The following INSRR variants were observed in gnomAD, a reference collection of about 807,000 sequenced individuals.
The protein encoded by INSRR is insulin receptor related receptor, also known as insulin receptor-related protein.
A neutral mutation model predicts 130.0 loss-of-function variants in INSRR; 114 were observed. The ratio of observed to expected loss-of-function variants is 0.88; its 90% confidence interval spans 0.75 to 1.02. The LOEUF (loss-of-function observed/expected upper bound fraction) is 1.02, where lower values mean the gene tolerates loss of function less well. INSRR is among the 50% of genes least tolerant of loss of function. The probability of loss-of-function intolerance (pLI) is 0.00; values close to 1 mark genes in which losing one functional copy is unlikely to be tolerated. For missense variants in INSRR, 1,657 were observed against 1,735.2 expected (o/e 0.95, Z 0.80); for synonymous variants, 674 against 705.2 (o/e 0.96, Z 0.70).
At chr1:156,843,289 C>T (rs1055833327) in intron 16 of INSRR, 56 bp from the exon 17 acceptor site, 6 of 1,572,510 alleles carry the variant, frequency 3.8e-6, no homozygotes, top group Non-Finnish European at 5.3e-6. Context: ...CACACCTCAC[C>T]CCCCAACTTC....
chr1:156,849,206 T>TGTGG (rs1655117633), intron 6 of INSRR, 40 bp downstream of exon 6: 1 of 1,608,212 alleles, frequency 6.2e-7, no homozygotes. Flanking sequence ...GTGTCTAGTG[T>TGTGG]GTGGCCGCGT....
Position 156,843,421 on chromosome 1 carries a change from A to G in INSRR, c.2896+6T>C. The G allele has an allele frequency of 6.2e-7, 1 of 1,614,026 alleles. No homozygotes were observed. The highest frequency in any genetic ancestry group is 8.5e-7 in the Non-Finnish European group (1 of 1,179,900). ...ACACCACCTGTCCACCCACTCCCAG[A>G]CCTACTATCAGAGGCGCTGAAGTAC... is the stretch of plus-strand genomic sequence containing the variant. On this transcript the variant is annotated splice_donor_region_variant and intron_variant, in intron 16 of 21. Transcript: ENST00000368195.
rs1558085950 is a variant in INSRR at position 156,845,281 on chromosome 1, GTGCCGCCCTGAGTCCC to G, written c.2217-1_2231del. ...GCCGGAGGGGCCCAGCTGCCCGGCG[GTGCCGCCCTGAGTCCC>G]TGGGGAGAGCGAGTCAGAGCCAAGG... On this transcript the variant is annotated splice_acceptor_variant and coding_sequence_variant, in exon 12 of 22. Coordinates refer to ENST00000368195, the MANE Select transcript of INSRR (RefSeq NM_014215.3). LOFTEE classifies it high-confidence loss of function. The G allele has an allele frequency of 6.2e-7, 1 of 1,612,530 alleles. No homozygotes were observed. Among genetic ancestry groups the G allele is most frequent in the Non-Finnish European group, 8.5e-7 (1 of 1,179,364 alleles).
At chr1:156,846,255 G>C (rs889729897) in intron 8 of INSRR, 136 bp from the exon 9 acceptor site, 7 of 971,740 alleles carry the variant, frequency 7.2e-6, no homozygotes, top group Non-Finnish European at 8.9e-6. Context: ...TGGCTTCCTA[G>C]AACTCAGTGT....
intron 4 of INSRR, 96 bp from the exon 5 acceptor site, chr1:156,851,530 C>T: frequency 1.9e-6 from 3 of 1,601,934 alleles, no homozygotes; most frequent in Non-Finnish European, 2.6e-6. Context: ...GGTGGGCCCT[C>T]AGGACTGGGA....
intron 7 of INSRR, 57 bp from the exon 8 acceptor site, chr1:156,846,814 A>T (rs1655031812): frequency 7.1e-7 from 1 of 1,398,826 alleles, no homozygotes; most frequent in Admixed American, 1.7e-5. Context: ...AAGTTCTGGC[A>T]CCCCCGCTCT....
chr1:156,845,893 G>A lies in INSRR; in HGVS notation c.1978+59C>T, dbSNP rs545172534. ...TCCCCCCCACCTGCCGGGGCCCTGC[G>A]CCTCCATCTCCCCTTCCCCACCCGC... On this transcript the variant is annotated intron_variant, in intron 9 of 21. Transcript: ENST00000368195. 2.0e-3 allele frequency: 3,238 copies of A among 1,597,738 alleles called. 5 individuals carry two copies. Among genetic ancestry groups the A allele is most frequent in the Non-Finnish European group, 2.2e-3 (2,624 of 1,171,690 alleles).
chr1:156,855,052 C>A (rs1429214781), intron 1 of INSRR, among the ~76,000 whole-genome samples: 1 of 152,136 alleles, frequency 6.6e-6, no homozygotes, highest in Non-Finnish European at 1.5e-5. Flanking sequence ...AAAGCTTCTG[C>A]CTTGGGGTCT....
chr1:156,847,069 C>CCT (rs1168294000), intron 7 of INSRR, among the ~76,000 whole-genome samples: 2 of 152,116 alleles, frequency 1.3e-5, no homozygotes, highest in Non-Finnish European at 2.9e-5. Context: ...GAAAGAGTCC[C>CCT]CTCTCCTAGA....
chr1:156,858,554 C>T lies in INSRR; in HGVS notation c.68G>A (p.Gly23Asp), dbSNP rs1655493259. 1.9e-6 allele frequency: 3 copies of T among 1,613,860 alleles called. No homozygotes were observed. The highest frequency in any genetic ancestry group is 2.5e-6 in the Non-Finnish European group (3 of 1,179,910). Reference protein sequence around the residue: ...LPVIFLSLGFGLDTVEVCPSL... With the variant: ...LPVIFLSLGFDLDTVEVCPSL... The stretch of plus-strand genomic sequence containing the variant: ...GGACTCACCCTCTACTGTATCCAGG[C>T]CAAATCCCAAGGAGAGGAAGATCAC... Residue 23 changes from glycine (G) to aspartate (D), a missense_variant, in exon 1 of 22, where the codon GGC becomes GAC. Transcript: ENST00000368195.
In INSRR at chr1:156,851,430, G is replaced by A. The variant is rs1655201388; in HGVS notation, c.1089C>T (p.Asn363=). 6 of 1,614,068 alleles carry A rather than the reference G, an allele frequency of 3.7e-6. No homozygotes were observed. Among genetic ancestry groups the A allele is most frequent in the African/African-American group, 1.3e-5 (1 of 74,914 alleles). ...GGCTGTGCTGCAGCTGTGGCTCCAG[G>A]TTGTCTAGGGATGGGAAGACAGGGC... ...SLILNLRQGY[N]LEPQLQHSLG... Residue 363 remains asparagine (N), a synonymous_variant, in exon 5 of 22, where the codon AAC becomes AAT. Transcript: ENST00000368195.
Position 156,849,056 on chromosome 1 carries a change from G to A in INSRR, c.1445-9C>T. The A allele has an allele frequency of 6.2e-7, 1 of 1,611,584 alleles. No homozygotes were observed. The highest frequency in any genetic ancestry group is 1.1e-5 in the South Asian group (1 of 90,858). On this transcript the variant is annotated splice_polypyrimidine_tract_variant and intron_variant, in intron 6 of 21. Coordinates refer to ENST00000368195, the MANE Select transcript of INSRR (RefSeq NM_014215.3). ...CAGGGTGCGAGTCTGGCCTGGGTGG[G>A]GCGAGGGGCCTGCTCGCAACCGCGC... is the stretch of plus-strand genomic sequence containing the variant.
At chr1:156,841,560 AC>A (rs1381859195) in intron 20 of INSRR, 32 bp from the exon 21 acceptor site, 2 of 1,613,590 alleles carry the variant, frequency 1.2e-6, no homozygotes, top group Non-Finnish European at 1.7e-6. Flanking sequence ...TGAGCCCAGC[AC>A]CCTTCGTGCT....
rs200847222 is a variant in INSRR, at chr1:156,858,490, T to C, written c.85+47A>G. On this transcript the variant is annotated intron_variant, in intron 1 of 21. Coordinates refer to ENST00000368195, the MANE Select transcript of INSRR (RefSeq NM_014215.3). ...AAGCTCAGTTTTTTGGCCTCCCAGC[T>C]GGCTGGGAGGGAGGTAGGGGTCTGG... 1.0e-5 allele frequency: 15 copies of C among 1,483,904 alleles called. 1 individual carries two copies. In the East Asian group the frequency reaches 3.2e-4, roughly 31 times the overall value. The allele number at this position is 1,483,904 out of a possible 1,614,324, so 91.9% of individuals were successfully genotyped here. A position where few individuals can be genotyped will look rare whatever the true frequency, so the allele number is the denominator to read the frequency against.
intron 15 of INSRR, 107 bp downstream of exon 15, chr1:156,844,068 G>T: frequency 1.3e-6 from 1 of 785,722 alleles, no homozygotes; most frequent in Non-Finnish European, 2.1e-6. Flanking sequence ...GTTACTGCCT[G>T]TATGGAAGAC....
At position 156,843,253 on chromosome 1, in the gene INSRR, C is replaced by T. The variant is rs1231055248; in HGVS notation, c.2897-20G>A. The T allele has an allele frequency of 9.9e-6, 16 of 1,610,510 alleles. No homozygotes were observed. The highest frequency in any genetic ancestry group is 1.2e-5 in the Non-Finnish European group (14 of 1,176,758). ...CATACACTGCAAGGAGGTGGAGGGT[C>T]ACAAAGCGAGGATGCTGCTCTCTGC... On this transcript the variant is annotated intron_variant, in intron 16 of 21. Transcript: ENST00000368195.
chr1:156,853,979 C>T lies in INSRR; in HGVS notation c.410G>A (p.Gly137Glu), dbSNP rs1358227315. Reference protein sequence around the residue: ...ALPALGAVLRGAVRVEKNQEL... With the variant: ...ALPALGAVLREAVRVEKNQEL... ...CTGGTTCTTCTCCACACGCACAGCC[C>T]CACGCAGCACGGCCCCAAGTGCAGG... The change falls in exon 2 of 22, where the codon GGG becomes GAG. Residue 137 changes from glycine (G) to glutamate (E), a missense_variant. By Grantham distance (98) the Gly-to-Glu change is moderately conservative. Transcript: ENST00000368195. 9 of 1,613,332 alleles carry T rather than the reference C, an allele frequency of 5.6e-6. No individual in the cohort carries two copies. Among genetic ancestry groups the T allele is most frequent in the Non-Finnish European group, 7.6e-6 (9 of 1,179,492 alleles).
intron 7 of INSRR, among the ~76,000 whole-genome samples, chr1:156,848,151 G>C (rs1479168278): frequency 6.6e-6 from 1 of 152,130 alleles, no homozygotes; most frequent in Non-Finnish European, 1.5e-5. Context: ...AGACCTAGGA[G>C]GGTCTCGGCC....
At position 156,859,020 on chromosome 1, in the gene INSRR, C is replaced by T. The variant is rs1280148888; in HGVS notation, c.-399G>A. Reference sequence around the variant, plus strand: ...CGCTCCCAAGGAGGGCAGCGGGGGTCCCGGGGCGCGTGGGACTCCGCAGGG... The same window carrying T: ...CGCTCCCAAGGAGGGCAGCGGGGGTTCCGGGGCGCGTGGGACTCCGCAGGG... On this transcript the variant is annotated 5_prime_UTR_variant, in exon 1 of 22. Transcript: ENST00000368195. This position sits in a 1 kb window ranked among gnomAD's most constrained non-coding sequence, Gnocchi z 6.2. The T allele has an allele frequency of 1.1e-5, 2 of 189,536 alleles. No individual in the cohort carries two copies. Among genetic ancestry groups the T allele is most frequent in the Non-Finnish European group, 2.2e-5 (2 of 89,744 alleles). The allele number at this position is 189,536 out of a possible 1,614,324, so 11.7% of individuals were successfully genotyped here.
Sources: gnomAD v4.1 joint callset for allele counts (sites outside exome capture counted in the v4.1 genomes callset) on GRCh38, gnomAD v4.1.1 for gene constraint, Gnocchi (gnomAD v3.1) non-coding constraint, MANE v1.5 for transcripts, NCBI Gene and HGNC (gene_info 2026-07-23, HGNC 2026-07-21) for gene names.